The following STK3 variants were observed in gnomAD, a reference collection of about 807,000 sequenced individuals.
STK3 encodes the protein serine/threonine-protein kinase 3.
STK3 carries 41 observed loss-of-function variants against 58.0 expected under a neutral mutation model. The ratio of observed to expected loss-of-function variants is 0.71; its 90% CI spans 0.55 to 0.92. The LOEUF (loss-of-function observed/expected upper bound fraction) is 0.92. Among genes scored for constraint, STK3 ranks in the 40% least tolerant of loss-of-function variants. The pLI is 0.00. For missense variants in STK3, 479 were observed against 602.7 expected (o/e 0.79, Z 2.15); for synonymous variants, 170 against 191.0 (o/e 0.89, Z 0.91).
intron 1 of STK3, among the ~76,000 whole-genome samples, chr8:98,441,776 A>G (rs1320573684): frequency 2.0e-5 from 3 of 152,082 alleles, no homozygotes; most frequent in Non-Finnish European, 4.4e-5. Flanking sequence ...TTTGCTGGCC[A>G]TCCCTCTTGC....
At chr8:98,643,163 G>A (rs1820150849) in intron 6 of STK3, among the ~76,000 whole-genome samples, 1 of 152,142 alleles carries the variant, frequency 6.6e-6, no homozygotes, top group Non-Finnish European at 1.5e-5. Flanking sequence ...GGAGATCAAG[G>A]CTGCAGTGAG....
chr8:98,777,847 T>A (rs575725651), intron 1 of STK3, among the ~76,000 whole-genome samples: 31 of 152,252 alleles, frequency 2.0e-4, no homozygotes, highest in African/African-American at 7.2e-4. Flanking sequence ...TGAAACTGGA[T>A]CCCTTCCTTA....
At position 98,428,420 on chromosome 8, in the gene STK3, C is replaced by T. The variant is rs1376061902; in HGVS notation, n.483+5707G>A. ...GTGACCAGGAGAGCACCACGTCTTC[C>T]TTCGATGAGATCCTTGCCTTCTACA... On this transcript the variant is annotated intron_variant and non_coding_transcript_variant, in intron 3 of 3. Transcript: ENST00000517832. This position sits in a 1 kb window ranked among gnomAD's most constrained non-coding sequence, Gnocchi z 6.7. 5 of 1,614,174 alleles carry T rather than the reference C, an allele frequency of 3.1e-6. No homozygotes were observed. The highest frequency in any genetic ancestry group is 4.2e-6 in the Non-Finnish European group (5 of 1,180,038).
At chr8:98,600,727 A>G (rs1374408401) in intron 6 of STK3, among the ~76,000 whole-genome samples, 2 of 151,422 alleles carry the variant, frequency 1.3e-5, no homozygotes, top group Non-Finnish European at 2.9e-5. Flanking sequence ...AAAACTGAAG[A>G]AAAAAAAAGT....
At chr8:98,837,896 C>A (rs1835801985) in intron 3 of STK3, among the ~76,000 whole-genome samples, 1 of 152,000 alleles carries the variant, frequency 6.6e-6, no homozygotes, top group African/African-American at 2.4e-5. Context: ...TGCACCACTC[C>A]ACTCCAGCCT....
At chr8:98,436,485 G>A (rs1009867419) in intron 2 of STK3, among the ~76,000 whole-genome samples, 4 of 152,166 alleles carry the variant, frequency 2.6e-5, no homozygotes, top group African/African-American at 9.7e-5. Context: ...TGGAACCACA[G>A]TGTTCTTGGC....
upstream of STK3, among the ~76,000 whole-genome samples, chr8:98,393,148 C>T (rs893177962): frequency 1.3e-5 from 2 of 152,178 alleles, no homozygotes; most frequent in African/African-American, 4.8e-5. Flanking sequence ...AGGTCCCTTG[C>T]CCCCTTCCCA....
intron 3 of STK3, among the ~76,000 whole-genome samples, chr8:98,832,527 A>G (rs1226327391): frequency 6.6e-6 from 1 of 152,082 alleles, no homozygotes; most frequent in East Asian, 1.9e-4. Context: ...TCAAAACCAC[A>G]AAAAAAGGAG....
chr8:98,824,276 TG>T (rs1329573647), intron 1 of STK3, among the ~76,000 whole-genome samples: 1 of 152,242 alleles, frequency 6.6e-6, no homozygotes, highest in Non-Finnish European at 1.5e-5. Flanking sequence ...TGCCTACACC[TG>T]CCCCTGACTC....
intron 4 of STK3, among the ~76,000 whole-genome samples, chr8:98,731,612 A>G (rs1447800631): frequency 6.6e-6 from 1 of 151,560 alleles, no homozygotes; most frequent in Non-Finnish European, 1.5e-5. Context: ...AGTCCCAGCT[A>G]CTCGGGAGGC....
At chr8:98,803,346 CT>C (rs922267098) in intron 1 of STK3, among the ~76,000 whole-genome samples, 24 of 152,178 alleles carry the variant, frequency 1.6e-4, no homozygotes, top group African/African-American at 5.8e-4. Flanking sequence ...AATCCCAGCA[CT>C]TTGGGAGGCC....
the STK3 span, among the ~76,000 whole-genome samples, chr8:98,347,534 C>CA: frequency 0.21 from 31,068 of 146,210 alleles, 3,571 homozygotes; most frequent in Non-Finnish European, 0.27. Context: ...CAAAAAAAAC[C>CA]AAAAAAAACC....
At position 98,564,267 on chromosome 8, in the gene STK3, C is replaced by T. The variant is rs143102535; in HGVS notation, c.948+15397G>A. On this transcript the variant is annotated intron_variant, in intron 8 of 10. Coordinates refer to ENST00000419617, the MANE Select transcript of STK3 (RefSeq NM_006281.4). ...AAGGTCACCAAAAACAAGGACATTC[C>T]GAGAGGCTGCGACATCATGAACCCT... 9.2e-3 allele frequency among the ~76,000 whole-genome samples: 1,405 copies of T among 152,220 alleles called. 18 individuals are homozygous for T. Among genetic ancestry groups the T allele is most frequent in the African/African-American group, 0.032 (1,325 of 41,548 alleles).
At chr8:98,612,430 A>G (rs1364352918) in intron 6 of STK3, among the ~76,000 whole-genome samples, 2 of 149,792 alleles carry the variant, frequency 1.3e-5, no homozygotes, top group South Asian at 2.1e-4. Flanking sequence ...CTATATATAC[A>G]TATATATCAA....
intron 1 of STK3, among the ~76,000 whole-genome samples, chr8:98,805,541 T>C (rs1416218772): frequency 6.6e-6 from 1 of 151,976 alleles, no homozygotes; most frequent in Non-Finnish European, 1.5e-5. Flanking sequence ...GCCACTGCAC[T>C]CTAGCCTGGG....
chr8:98,665,813 C>A (rs1183899028), intron 6 of STK3, among the ~76,000 whole-genome samples: 1 of 151,974 alleles, frequency 6.6e-6, no homozygotes, highest in Non-Finnish European at 1.5e-5. Context: ...ACGCCATTCT[C>A]CTGCCTCAGC....
At chr8:98,701,040 G>C (rs1284060542) in intron 6 of STK3, among the ~76,000 whole-genome samples, 2 of 152,044 alleles carry the variant, frequency 1.3e-5, no homozygotes, top group East Asian at 3.9e-4. Flanking sequence ...GTAGTGGTGT[G>C]CACCTGTAGT....
rs71572027 is a variant in STK3 at position 98,858,290 on chromosome 8, G to GTATATATA, written c.110+25349_110+25356dup. ...CCAGCTACAGTATATACATACATACGTATATATATATATATATATATATAT... is the reference window on the plus strand; with the variant it reads ...CCAGCTACAGTATATACATACATACGTATATATATATATATATATATATATATATATAT... On this transcript the variant is annotated intron_variant, in intron 3 of 12. Coordinates refer to the STK3 transcript ENST00000523601. Among the ~76,000 whole-genome samples, 167 of 34,344 alleles carry GTATATATA rather than the reference G, an allele frequency of 4.9e-3. 2 individuals carry two copies. The highest frequency in any genetic ancestry group is 5.5e-3 in the Non-Finnish European group (119 of 21,592). 22.5% of individuals were successfully genotyped at this position (34,344 alleles called of 152,430 possible).
chr8:98,924,229 T>G (rs971651078), intron 1 of STK3, among the ~76,000 whole-genome samples: 1 of 152,224 alleles, frequency 6.6e-6, no homozygotes, highest in African/African-American at 2.4e-5. Context: ...AGGGAGAACC[T>G]TGTCTGTTTA....
Sources: allele counts gnomAD v4.1 joint callset (sites outside exome capture counted in the v4.1 genomes callset), GRCh38; gene constraint gnomAD v4.1.1; non-coding constraint Gnocchi (gnomAD v3.1); transcripts MANE v1.5; gene names NCBI Gene and HGNC (gene_info 2026-07-23, HGNC 2026-07-21).